SLC24A3: variants seen among roughly 807,000 people sequenced by gnomAD.
The protein encoded by SLC24A3 is sodium/potassium/calcium exchanger 3.
SLC24A3 carries 28 observed loss-of-function variants against 75.8 expected under a neutral mutation model. The ratio of observed to expected loss-of-function variants is 0.37; its 90% confidence interval spans 0.27 to 0.51. SLC24A3 has a LOEUF of 0.51. Among genes scored for constraint, SLC24A3 ranks in the 20% least tolerant of loss-of-function variants. The pLI, the probability that SLC24A3 is intolerant of heterozygous loss-of-function variation, is 0.94. For missense variants in SLC24A3, 663 were observed against 847.8 expected (o/e 0.78, Z 2.71); for synonymous variants, 372 against 334.1 (o/e 1.11, Z -1.24).
At chr20:19,715,356 G>A (rs189240932) in intron 15 of SLC24A3, among the ~76,000 whole-genome samples, 1 of 152,346 alleles carries the variant, frequency 6.6e-6, no homozygotes, top group African/African-American at 2.4e-5. Flanking sequence ...TAAGCCACCA[G>A]CTGGACTGCG....
intron 2 of SLC24A3, among the ~76,000 whole-genome samples, chr20:19,431,903 G>C (rs1233258196): frequency 6.6e-6 from 1 of 151,804 alleles, no homozygotes; most frequent in African/African-American, 2.4e-5. Flanking sequence ...AAATAAGAAA[G>C]ACTTTCTGGA....
At chr20:19,698,269 A>C (rs1485343338) in intron 14 of SLC24A3, among the ~76,000 whole-genome samples, 3 of 152,236 alleles carry the variant, frequency 2.0e-5, no homozygotes, top group African/African-American at 7.2e-5. Context: ...TGGGGACTAC[A>C]ATCCACATGA....
At chr20:19,531,762 AG>A (rs2030304735) in intron 3 of SLC24A3, among the ~76,000 whole-genome samples, 1 of 152,154 alleles carries the variant, frequency 6.6e-6, no homozygotes, top group African/African-American at 2.4e-5. Context: ...GTGTCTCCCA[AG>A]GTATGAACTG....
chr20:19,637,093 A>G (rs764476765), intron 6 of SLC24A3, among the ~76,000 whole-genome samples: 3 of 152,320 alleles, frequency 2.0e-5, no homozygotes, highest in Non-Finnish European at 4.4e-5. Context: ...GAGGTCAGGA[A>G]TTCAAGATCC....
intron 3 of SLC24A3, among the ~76,000 whole-genome samples, chr20:19,540,291 G>C (rs1451296401): frequency 6.6e-6 from 1 of 152,132 alleles, no homozygotes; most frequent in Non-Finnish European, 1.5e-5. Context: ...TCCAGAACTT[G>C]TGTTCTGAAG....
intron 2 of SLC24A3, among the ~76,000 whole-genome samples, chr20:19,314,818 C>G (rs1295917337): frequency 6.6e-6 from 1 of 152,232 alleles, no homozygotes; most frequent in African/African-American, 2.4e-5. Context: ...GTTACCAGGC[C>G]TTGGCCTGTC....
At chr20:19,592,522 G>T (rs1225794930) in intron 6 of SLC24A3, among the ~76,000 whole-genome samples, 2 of 152,180 alleles carry the variant, frequency 1.3e-5, no homozygotes, top group East Asian at 3.9e-4. Context: ...TGCAATGGGG[G>T]AAAGAAAATG....
chr20:19,272,373 C>G (rs1021124468), intron 1 of SLC24A3, among the ~76,000 whole-genome samples: 3 of 152,212 alleles, frequency 2.0e-5, no homozygotes, highest in South Asian at 4.1e-4. Context: ...TTTGAAGGCA[C>G]GCAACAATGT....
rs1482342545 is a variant in SLC24A3 at position 19,281,069 on chromosome 20, A to G, written c.253A>G (p.Lys85Glu). ...CGAAGATGCCGGACTCCGGAACAGC[A>G]AGAACTGCACCGAACCAGGTAACAG... Reference protein sequence around the residue: ...TSEDAGLRNSKNCTEPALHEF... With the variant: ...TSEDAGLRNSENCTEPALHEF... Residue 85 changes from lysine to glutamate, a missense_variant, in exon 2 of 17, where the codon AAG becomes GAG. By Grantham distance (56) the Lys-to-Glu change is moderately conservative (BLOSUM62 1). Transcript: ENST00000328041. 6.2e-7 allele frequency: 1 copy of G among 1,614,204 alleles called. No individual in the cohort carries two copies. Among genetic ancestry groups the G allele is most frequent in the South Asian group, 1.1e-5 (1 of 91,072 alleles).
chr20:19,351,558 T>C (rs749107221), intron 2 of SLC24A3, among the ~76,000 whole-genome samples: 1 of 152,164 alleles, frequency 6.6e-6, no homozygotes, highest in African/African-American at 2.4e-5. Context: ...AAGCTTCCCA[T>C]GGGCCCTTGT....
At chr20:19,507,518 G>A (rs925885965) in intron 2 of SLC24A3, among the ~76,000 whole-genome samples, 1 of 152,232 alleles carries the variant, frequency 6.6e-6, no homozygotes, top group African/African-American at 2.4e-5. Context: ...CCAGGCTGAT[G>A]GGAGATGCAC....
In SLC24A3 at chr20:19,684,349, G is replaced by GCACTGTC. The variant is rs1202296062; in HGVS notation, c.1062+19_1062+25dup. ...GTTGATCAATGAGGTACCTGGGAAA[G>GCACTGTC]CACTGTCCACTGCCCACTGGACAGG... On this transcript the variant is annotated intron_variant, in intron 11 of 16. Coordinates refer to ENST00000328041, the MANE Select transcript of SLC24A3 (RefSeq NM_020689.4). 6.2e-7 allele frequency: 1 copy of GCACTGTC among 1,610,906 alleles called. No individual in the cohort carries two copies. Among genetic ancestry groups the GCACTGTC allele is most frequent in the Non-Finnish European group, 8.5e-7 (1 of 1,178,332 alleles).
intron 2 of SLC24A3, among the ~76,000 whole-genome samples, chr20:19,368,183 G>A (rs529092004): frequency 1.8e-5 from 2 of 110,386 alleles, no homozygotes; most frequent in Admixed American, 1.0e-4. Flanking sequence ...CTAGAGGGAT[G>A]TTGGGCTTCT....
intron 9 of SLC24A3, among the ~76,000 whole-genome samples, chr20:19,679,501 C>CCGTGG (rs1568695432): frequency 4.7e-5 from 5 of 107,116 alleles, no homozygotes; most frequent in African/African-American, 6.7e-5. Flanking sequence ...TGGAAAGAGA[C>CCGTGG]GGAGAGGGAG....
intron 9 of SLC24A3, among the ~76,000 whole-genome samples, chr20:19,676,907 T>C (rs1451454014): frequency 6.6e-6 from 1 of 152,220 alleles, no homozygotes; most frequent in Non-Finnish European, 1.5e-5. Flanking sequence ...CTGACAGTCA[T>C]GGGACCTCAG....
rs1448301389 is a variant in SLC24A3, at chr20:19,212,868, G to A, written c.26G>A (p.Arg9His). The A allele has an allele frequency of 1.6e-6, 2 of 1,236,294 alleles. No homozygotes were observed. The highest frequency in any genetic ancestry group is 2.0e-6 in the Non-Finnish European group (2 of 983,844). 76.6% of individuals were successfully genotyped at this position (1,236,294 alleles called of 1,614,324 possible). ...ATGCGGCCGTCCGGCGACGAGGACC[G>A]CGCGCGTCGCCGCCGCCGCCGCCGC... MRPSGDEDRARRRRRRRRR... is the reference protein window; with the variant it reads MRPSGDEDHARRRRRRRRR... The change falls in exon 1 of 17, where the codon CGC becomes CAC. Residue 9 changes from arginine to histidine, a missense_variant. Coordinates refer to ENST00000328041, the MANE Select transcript of SLC24A3 (RefSeq NM_020689.4).
intron 2 of SLC24A3, among the ~76,000 whole-genome samples, chr20:19,378,197 A>G (rs1383735232): frequency 1.3e-5 from 2 of 152,130 alleles, no homozygotes; most frequent in Non-Finnish European, 2.9e-5. Flanking sequence ...CAATTTGGAT[A>G]AGCTATCCTT....
chr20:19,614,014 G>A (rs373461320), intron 6 of SLC24A3, among the ~76,000 whole-genome samples: 38 of 152,200 alleles, frequency 2.5e-4, no homozygotes, highest in African/African-American at 8.7e-4. Flanking sequence ...TTATGCGGGG[G>A]CTGGCTCTGC....
intron 8 of SLC24A3, 29 bp from the exon 9 acceptor site, chr20:19,673,572 G>A (rs779657209): frequency 6.2e-7 from 1 of 1,605,880 alleles, no homozygotes; most frequent in Admixed American, 1.7e-5. Flanking sequence ...GTCCATGACT[G>A]TCTTTAACTG....
Sources: gnomAD v4.1 joint callset for allele counts (sites outside exome capture counted in the v4.1 genomes callset) on GRCh38, gnomAD v4.1.1 for gene constraint, MANE v1.5 for transcripts, NCBI Gene and HGNC (gene_info 2026-07-23, HGNC 2026-07-21) for gene names.